The following CRACR2A variants were observed in gnomAD, a reference collection of about 807,000 sequenced individuals.
CRACR2A encodes EF-hand calcium-binding domain-containing protein 4B.
A neutral mutation model predicts 90.5 loss-of-function variants in CRACR2A; 79 were observed. The ratio of observed to expected loss-of-function variants is 0.87; its 90% CI spans 0.73 to 1.05. The LOEUF (loss-of-function observed/expected upper bound fraction) is 1.05, where lower values mean the gene tolerates loss of function less well. Among genes scored for constraint, CRACR2A ranks in the 50% least tolerant of loss-of-function variants. The pLI is 0.00. For missense variants in CRACR2A, 823 were observed against 897.2 expected (o/e 0.92, Z 1.06); for synonymous variants, 338 against 356.7 (o/e 0.95, Z 0.59).
chr12:3,689,720 G>A (rs1355109460), intron 4 of CRACR2A, among the ~76,000 whole-genome samples: 2 of 152,032 alleles, frequency 1.3e-5, no homozygotes, highest in Non-Finnish European at 2.9e-5. Context: ...GTGAGTTAGA[G>A]AGGAATCTCT....
At chr12:3,631,528 C>T (rs950309944) in intron 15 of CRACR2A, among the ~76,000 whole-genome samples, 1 of 152,208 alleles carries the variant, frequency 6.6e-6, no homozygotes. Flanking sequence ...GGCGCTGTCT[C>T]CTGTGTTACC....
In CRACR2A at chr12:3,641,834, T is replaced by C. The variant is rs771967702; in HGVS notation, c.1169A>G (p.Asn390Ser). The change falls in exon 13 of 20, where the codon AAT becomes AGT. Residue 390 changes from asparagine to serine, a missense_variant. By Grantham distance (46) the Asn-to-Ser change is conservative. Transcript: ENST00000440314. ...AGCTGTGTTTGCCTTGGCTGCCTTA[T>C]TTTTCTGTAGAAACACAAAATGTCC... ...RDERDICFQK[N>S]KAAKANTAAS... is the part of the protein sequence containing the mutation. The C allele has an allele frequency of 1.3e-6, 2 of 1,551,500 alleles. No individual in the cohort carries two copies. The highest frequency in any genetic ancestry group is 2.7e-5 in the African/African-American group (2 of 73,044).
chr12:3,668,355 C>A (rs1413198198), intron 7 of CRACR2A, among the ~76,000 whole-genome samples: 1 of 152,154 alleles, frequency 6.6e-6, no homozygotes, highest in Non-Finnish European at 1.5e-5. Context: ...GTATCAGAAC[C>A]GCCTGGGATG....
chr12:3,641,866 C>A, intron 12 of CRACR2A, 28 bp from the exon 13 acceptor site: 1 of 1,545,014 alleles, frequency 6.5e-7, no homozygotes, highest in Non-Finnish European at 8.8e-7. Flanking sequence ...GTCCTCAGAT[C>A]CATGCCTATT....
rs148295261 is a variant in CRACR2A at position 3,639,348 on chromosome 12, T to C, written c.1272-894A>G. Among the ~76,000 whole-genome samples the C allele has an allele frequency of 3.5e-3, 540 of 152,160 alleles. 6 individuals are homozygous for C. Among genetic ancestry groups the C allele is most frequent in the African/African-American group, 0.012 (509 of 41,508 alleles). ...CAGTGCAGGGAATCGGGGAACTGGA[T>C]GTGGGGGTCAATGCAGGGTCTGTAT... On this transcript the variant is annotated intron_variant, in intron 13 of 19. Coordinates refer to ENST00000440314, the MANE Select transcript of CRACR2A (RefSeq NM_001144958.2).
intron 3 of CRACR2A, among the ~76,000 whole-genome samples, chr12:3,702,000 A>G (rs1360733900): frequency 6.6e-6 from 1 of 152,208 alleles, no homozygotes; most frequent in Admixed American, 6.5e-5. Context: ...AAATGCAAGA[A>G]TGGTTTAACA....
At chr12:3,631,580 C>T (rs1398754128) in intron 15 of CRACR2A, among the ~76,000 whole-genome samples, 8 of 152,246 alleles carry the variant, frequency 5.3e-5, no homozygotes, top group Non-Finnish European at 1.0e-4. Context: ...CAAGGCCAGA[C>T]AAGGCCAGGC....
At chr12:3,705,655 G>A (rs1480256087) in intron 3 of CRACR2A, among the ~76,000 whole-genome samples, 2 of 152,234 alleles carry the variant, frequency 1.3e-5, no homozygotes, top group Admixed American at 6.5e-5. Flanking sequence ...AGCTGGCGAT[G>A]CCTGATAAAG....
At chr12:3,654,467 C>G in intron 9 of CRACR2A, 68 bp from the exon 10 acceptor site, 1 of 1,474,618 alleles carries the variant, frequency 6.8e-7, no homozygotes, top group Non-Finnish European at 9.1e-7. Context: ...CTGCCCTGGC[C>G]TCACCTTGTT....
chr12:3,664,816 G>C (rs1945099191), intron 7 of CRACR2A, among the ~76,000 whole-genome samples: 1 of 152,194 alleles, frequency 6.6e-6, no homozygotes, highest in African/African-American at 2.4e-5. Flanking sequence ...AAACCAGCCT[G>C]ACCAACATGG....
chr12:3,701,584 C>T (rs1945834796), intron 3 of CRACR2A, among the ~76,000 whole-genome samples: 1 of 152,030 alleles, frequency 6.6e-6, no homozygotes, highest in South Asian at 2.1e-4. Flanking sequence ...GAACTGATTC[C>T]TTGAAAAACA....
rs1946630008 is a variant in CRACR2A at position 3,746,578 on chromosome 12, T to C, written c.-387+6437A>G. On this transcript the variant is annotated intron_variant, in intron 1 of 19. Transcript: ENST00000440314. The surrounding 1 kb of genome is among the most constrained non-coding windows in gnomAD (Gnocchi z 4.4). ...AGAACTGTGAGAAAATAAATTTCGGTTGTCTGTGATATTTTGTTCTGTCTG... is the reference window on the plus strand; with the variant it reads ...AGAACTGTGAGAAAATAAATTTCGGCTGTCTGTGATATTTTGTTCTGTCTG... 6.6e-6 allele frequency among the ~76,000 whole-genome samples: 1 copy of C among 152,204 alleles called. No homozygotes were observed. Among genetic ancestry groups the C allele is most frequent in the Non-Finnish European group, 1.5e-5 (1 of 68,026 alleles).
chr12:3,746,404 C>A lies in CRACR2A; in HGVS notation c.-387+6611G>T, dbSNP rs768505850. ...CTCTCTCTCCTCCCTCTTCCCCACC[C>A]TTCCTCCACCCTCCCTCTCCCTTCT... On this transcript the variant is annotated intron_variant, in intron 1 of 19. Transcript: ENST00000440314. This position sits in a 1 kb window ranked among gnomAD's most constrained non-coding sequence, Gnocchi z 4.4. Among the ~76,000 whole-genome samples, 1 of 151,884 alleles carries A rather than the reference C, an allele frequency of 6.6e-6. No individual in the cohort carries two copies. Among genetic ancestry groups the A allele is most frequent in the Non-Finnish European group, 1.5e-5 (1 of 67,972 alleles).
Position 3,656,410 on chromosome 12 carries a change from C to T in CRACR2A, c.763-4G>A, listed in dbSNP as rs758817945. On this transcript the variant is annotated splice_region_variant and splice_polypyrimidine_tract_variant and intron_variant, in intron 8 of 19. Transcript: ENST00000440314. ...GGGCTTGAAACCTCTCTGTGTCCTG[C>T]CAAGCCAGAAAGAGGGACACACAGG... The T allele has an allele frequency of 1.2e-6, 2 of 1,614,018 alleles. No individual in the cohort carries two copies. Among genetic ancestry groups the T allele is most frequent in the South Asian group, 1.1e-5 (1 of 91,080 alleles).
In CRACR2A at chr12:3,710,805, AG is replaced by A. The variant is rs147328902; in HGVS notation, c.-37+2431del. On this transcript the variant is annotated intron_variant, in intron 3 of 19. Coordinates refer to ENST00000440314, the MANE Select transcript of CRACR2A (RefSeq NM_001144958.2). Reference sequence around the variant, plus strand: ...AGGCTCCACCGCAAAAAAAAAAAAAAGAAAGAAAGAAAGAAAGAAAGATGGG... The same window carrying A: ...AGGCTCCACCGCAAAAAAAAAAAAAAAAAGAAAGAAAGAAAGAAAGATGGG... Among the ~76,000 whole-genome samples, 1,142 of 147,684 alleles carry A rather than the reference AG, an allele frequency of 7.7e-3. 13 individuals are homozygous for A. The highest frequency in any genetic ancestry group is 0.03 in the Admixed American group (444 of 14,730).
chr12:3,628,008 TCC>T (rs1944298454), intron 15 of CRACR2A, among the ~76,000 whole-genome samples: 1 of 68,610 alleles, frequency 1.5e-5, no homozygotes, highest in African/African-American at 5.8e-5. Context: ...TTTCCCTCCC[TCC>T]CTCCCTCCCT....
intron 3 of CRACR2A, among the ~76,000 whole-genome samples, chr12:3,706,245 A>G (rs755769598): frequency 1.3e-5 from 2 of 152,222 alleles, no homozygotes; most frequent in Non-Finnish European, 2.9e-5. Context: ...AGGCAGATGC[A>G]GGGACCCTGA....
At chr12:3,749,165 AT>A (rs1156415528) in intron 1 of CRACR2A, among the ~76,000 whole-genome samples, 1 of 152,238 alleles carries the variant, frequency 6.6e-6, no homozygotes, top group Non-Finnish European at 1.5e-5. Context: ...TGAGGCTTCC[AT>A]AAGGGAATAC....
intron 10 of CRACR2A, among the ~76,000 whole-genome samples, chr12:3,651,671 A>G (rs139946067): frequency 2.0e-5 from 3 of 152,038 alleles, no homozygotes; most frequent in Non-Finnish European, 4.4e-5. Context: ...AAGCCTGTTT[A>G]CCTCCCAGCT....
Sources: gnomAD v4.1 joint callset for allele counts (sites outside exome capture counted in the v4.1 genomes callset) on GRCh38, gnomAD v4.1.1 for gene constraint, Gnocchi (gnomAD v3.1) non-coding constraint, MANE v1.5 for transcripts, NCBI Gene and HGNC (gene_info 2026-07-23, HGNC 2026-07-21) for gene names.